Variants in KIAA0319L observed in about 807,000 individuals in gnomAD.
KIAA0319L encodes the protein KIAA0319 like, also known as dyslexia-associated protein KIAA0319-like protein.
A neutral mutation model predicts 120.1 loss-of-function variants in KIAA0319L; 55 were observed. The ratio of observed to expected loss-of-function variants is 0.46; its 90% confidence interval spans 0.37 to 0.57. The LOEUF is 0.57. KIAA0319L is among the 20% of genes least tolerant of loss of function. The pLI is 0.00. For missense variants in KIAA0319L, 1,049 were observed against 1,255.3 expected (o/e 0.84, Z 2.48); for synonymous variants, 398 against 471.9 (o/e 0.84, Z 2.03).
At chr1:35,537,451 G>A (rs1362336653) in intron 2 of KIAA0319L, among the ~76,000 whole-genome samples, 2 of 145,858 alleles carry the variant, frequency 1.4e-5, no homozygotes, top group East Asian at 2.0e-4. Context: ...GAGGGCCGCA[G>A]CAGAAATATG....
At chr1:35,442,615 C>T (rs2149075747) in intron 18 of KIAA0319L, among the ~76,000 whole-genome samples, 1 of 152,332 alleles carries the variant, frequency 6.6e-6, no homozygotes, top group South Asian at 2.1e-4. Context: ...CATTAGGCTA[C>T]AGCACGGAGG....
intron 2 of KIAA0319L, among the ~76,000 whole-genome samples, chr1:35,549,738 A>G (rs542661994): frequency 1.3e-5 from 2 of 152,342 alleles, no homozygotes; most frequent in East Asian, 3.9e-4. Flanking sequence ...GTTGGTCTCA[A>G]AAGCATTGGT....
rs377375910 is a variant in KIAA0319L at position 35,516,879 on chromosome 1, T to C, written c.143-9744A>G. Among the ~76,000 whole-genome samples the C allele has an allele frequency of 5.9e-5, 9 of 152,056 alleles. No homozygotes were observed. The East Asian group carries it at 9.6e-4, about 16-fold the overall frequency. ...AAGTTTCAGGAGACAAAAATCAATG[T>C]ACAAAAATCACTAGCATTCCTACAC... On this transcript the variant is annotated intron_variant, in intron 2 of 20. Coordinates refer to ENST00000325722, the MANE Select transcript of KIAA0319L (RefSeq NM_024874.5).
chr1:35,541,438 C>T (rs2148493478), intron 2 of KIAA0319L, among the ~76,000 whole-genome samples: 1 of 151,194 alleles, frequency 6.6e-6, no homozygotes, highest in Non-Finnish European at 1.5e-5. Context: ...CAACCTCTCC[C>T]TCCTGGGTTC....
chr1:35,480,012 G>A (rs1025236806), intron 3 of KIAA0319L, among the ~76,000 whole-genome samples: 24 of 145,814 alleles, frequency 1.6e-4, no homozygotes, highest in African/African-American at 5.3e-4. Flanking sequence ...CTTTGAGGGA[G>A]AAAGAGTATG....
Position 35,506,481 on chromosome 1 carries a change from A to T in KIAA0319L, c.666+131T>A. On this transcript the variant is annotated intron_variant, in intron 3 of 20. Transcript: ENST00000325722. The surrounding 1 kb of genome is among the most constrained non-coding windows in gnomAD (Gnocchi z 4.0). ...TCTGGGCAGCACCAAAGAAGCTGAC[A>T]CCAAGCAGCTTTATATATACACTCC... The T allele has an allele frequency of 1.2e-6, 1 of 850,216 alleles. No individual in the cohort carries two copies. Among genetic ancestry groups the T allele is most frequent in the Non-Finnish European group, 1.8e-6 (1 of 544,080 alleles). The allele number at this position is 850,216 out of a possible 1,614,324, so 52.7% of individuals were successfully genotyped here. A position where few individuals can be genotyped will look rare whatever the true frequency, so the allele number is the denominator to read the frequency against.
intron 2 of KIAA0319L, among the ~76,000 whole-genome samples, chr1:35,528,180 T>G (rs1281542854): frequency 2.6e-5 from 4 of 152,216 alleles, no homozygotes. Flanking sequence ...TTCAAACACC[T>G]GGGCTCAAGA....
At chr1:35,497,256 A>G (rs1182520031) in intron 3 of KIAA0319L, among the ~76,000 whole-genome samples, 1 of 152,056 alleles carries the variant, frequency 6.6e-6, no homozygotes, top group Non-Finnish European at 1.5e-5. Context: ...AAAAGATGAA[A>G]TGTTATCAAA....
intron 7 of KIAA0319L, 130 bp from the exon 8 acceptor site, chr1:35,462,843 C>A: frequency 2.1e-5 from 14 of 653,932 alleles, no homozygotes; most frequent in Middle Eastern, 6.6e-4. Flanking sequence ...CACCAGGGAC[C>A]AGTTTTGTGG....
At chr1:35,507,996 AG>A (rs1386630659) in intron 2 of KIAA0319L, among the ~76,000 whole-genome samples, 19 of 152,352 alleles carry the variant, frequency 1.2e-4, no homozygotes, top group African/African-American at 4.1e-4. Context: ...CTGTTTTCTT[AG>A]ATGAAGTCAA....
intron 2 of KIAA0319L, among the ~76,000 whole-genome samples, chr1:35,519,813 T>A (rs1410213877): frequency 6.6e-6 from 1 of 152,180 alleles, no homozygotes; most frequent in African/African-American, 2.4e-5. Flanking sequence ...CGTTTCAGAT[T>A]CATCTTATCT....
intron 1 of KIAA0319L, chr1:35,554,976 C>G (rs1647734279): frequency 6.5e-6 from 1 of 152,818 alleles, no homozygotes; most frequent in African/African-American, 2.4e-5. Context: ...TTTTAAATTT[C>G]TGAATGCAAA....
At chr1:35,498,705 C>T (rs1012811824) in intron 3 of KIAA0319L, among the ~76,000 whole-genome samples, 3 of 152,144 alleles carry the variant, frequency 2.0e-5, no homozygotes, top group African/African-American at 7.2e-5. Flanking sequence ...GTCTGTAACG[C>T]CACACACAGG....
intron 3 of KIAA0319L, among the ~76,000 whole-genome samples, chr1:35,488,717 G>C (rs1001686200): frequency 6.6e-6 from 1 of 152,194 alleles, no homozygotes; most frequent in African/African-American, 2.4e-5. Context: ...AAAAGGACCA[G>C]GAATGTGTGG....
intron 2 of KIAA0319L, among the ~76,000 whole-genome samples, chr1:35,547,548 T>C (rs1014257841): frequency 6.6e-6 from 1 of 152,126 alleles, no homozygotes; most frequent in Non-Finnish European, 1.5e-5. Context: ...CAGAATATTA[T>C]TCAGCCATAA....
chr1:35,442,897 A>G lies in KIAA0319L; in HGVS notation c.2779+9T>C. The G allele has an allele frequency of 6.2e-7, 1 of 1,614,200 alleles. No individual in the cohort carries two copies. The highest frequency in any genetic ancestry group is 1.1e-5 in the South Asian group (1 of 91,072). ...AACAGGCTGGCACTGTGCCACATAGAAAACTCACCACAGTTGCTGTCTCCA... is the reference window on the plus strand; with the variant it reads ...AACAGGCTGGCACTGTGCCACATAGGAAACTCACCACAGTTGCTGTCTCCA... On this transcript the variant is annotated intron_variant, in intron 18 of 20. Transcript: ENST00000325722.
At position 35,519,145 on chromosome 1, in the gene KIAA0319L, G is replaced by A. The variant is rs112164997; in HGVS notation, c.143-12010C>T. 8.2e-4 allele frequency among the ~76,000 whole-genome samples: 125 copies of A among 152,230 alleles called. 1 individual carries two copies. Among genetic ancestry groups the A allele is most frequent in the African/African-American group, 2.8e-3 (118 of 41,530 alleles). ...AAATTATCTTGATTTAACAGATAGA[G>A]AGACAGGTATAAACCAGGCAAATCT... On this transcript the variant is annotated intron_variant, in intron 2 of 20. Coordinates refer to ENST00000325722, the MANE Select transcript of KIAA0319L (RefSeq NM_024874.5).
chr1:35,490,904 ACT>A (rs1295748239), intron 3 of KIAA0319L, among the ~76,000 whole-genome samples: 1 of 151,266 alleles, frequency 6.6e-6, no homozygotes, highest in Admixed American at 6.6e-5. Flanking sequence ...TTCCCACTTG[ACT>A]CTCTCTCTTT....
At chr1:35,519,939 G>A (rs1027201044) in intron 2 of KIAA0319L, among the ~76,000 whole-genome samples, 2 of 152,062 alleles carry the variant, frequency 1.3e-5, no homozygotes, top group Non-Finnish European at 2.9e-5. Flanking sequence ...AATCTGTTCT[G>A]AGAGCTGGGA....
Sources: gnomAD v4.1 joint callset for allele counts (sites outside exome capture counted in the v4.1 genomes callset) on GRCh38, gnomAD v4.1.1 for gene constraint, Gnocchi (gnomAD v3.1) non-coding constraint, MANE v1.5 for transcripts, NCBI Gene and HGNC (gene_info 2026-07-23, HGNC 2026-07-21) for gene names.